The following ASMTL variants were observed in gnomAD, a reference collection of about 807,000 sequenced individuals.
The protein encoded by ASMTL is acetylserotonin O-methyltransferase like, also known as probable bifunctional dTTP/UTP pyrophosphatase/methyltransferase protein.
Under a neutral mutation model 60.3 loss-of-function variants are expected in ASMTL, and 57 were observed. The ratio of observed to expected loss-of-function variants is 0.95; its 90% CI spans 0.76 to 1.18. ASMTL has a LOEUF of 1.18. Among genes scored for constraint, ASMTL ranks in the 50% most tolerant of loss-of-function variants. The pLI, the probability that ASMTL is intolerant of heterozygous loss-of-function variation, is 0.00. For synonymous variants in ASMTL, 419 were observed against 373.0 expected (o/e 1.12, Z -1.42); for missense variants, 981 against 852.6 (o/e 1.15, Z -1.88).
chrX:1,434,970 C>T (rs2090921048), intron 5 of ASMTL, 52 bp downstream of exon 5: 41 of 1,603,838 alleles, frequency 2.6e-5, no homozygotes, highest in East Asian at 6.7e-5. Context: ...GAGAATGTCC[C>T]GGGTCCTTGT....
intron 8 of ASMTL, among the ~76,000 whole-genome samples, chrX:1,424,832 C>CTCCA (rs1208267195): frequency 8.1e-6 from 1 of 123,328 alleles, no homozygotes; most frequent in Admixed American, 8.3e-5. Context: ...CCATCCACCT[C>CTCCA]TCCATCCATC....
intron 1 of ASMTL, among the ~76,000 whole-genome samples, chrX:1,451,946 C>T (rs1280314138): frequency 6.7e-6 from 1 of 150,188 alleles, no homozygotes; most frequent in African/African-American, 2.5e-5. Flanking sequence ...CTCTCCCCAA[C>T]CACATGCCTA....
chrX:1,453,051 G>A (rs771309950), upstream of ASMTL: 1 of 519,388 alleles, frequency 1.9e-6, no homozygotes. Flanking sequence ...ACTCCGTCAG[G>A]CCTCGCCCAG....
rs1355020651 is a variant in ASMTL, at chrX:1,404,028, G to A, written c.1646-539C>T. On this transcript the variant is annotated intron_variant, in intron 12 of 12. Coordinates refer to ENST00000381317, the MANE Select transcript of ASMTL (RefSeq NM_004192.4). ...GATGGTACATGATGGGCAGGTAGAC[G>A]GATGGATAGATGGATGCATGGACGA... Among the ~76,000 whole-genome samples, 29 of 150,808 alleles carry A rather than the reference G, an allele frequency of 1.9e-4. 1 individual carries two copies. The highest frequency in any genetic ancestry group is 4.0e-4 in the Admixed American group (6 of 15,132).
rs2090656748 is a variant in ASMTL at position 1,427,913 on chromosome X, C to T, written c.718G>A (p.Asp240Asn). Reference protein sequence around the residue: ...PAADTFEDLSDVEGGGSEPTQ... With the variant: ...PAADTFEDLSNVEGGGSEPTQ... ...GGCTCCGAGCCGCCCCCCTCCACGT[C>T]ACTGAGGTCTTCGAAGGTGTCCGCG... is the stretch of plus-strand genomic sequence containing the variant. Residue 240 changes from aspartate (D) to asparagine (N), a missense_variant, in exon 7 of 13, where the codon GAC (aspartate) becomes AAC (asparagine). Transcript: ENST00000381317. The T allele has an allele frequency of 6.2e-7, 1 of 1,613,378 alleles. No individual in the cohort carries two copies.
chrX:1,405,038 T>C (rs2089757529), intron 12 of ASMTL, among the ~76,000 whole-genome samples: 1 of 147,742 alleles, frequency 6.8e-6, no homozygotes, highest in African/African-American at 2.5e-5. Flanking sequence ...GAATAGATGG[T>C]AGATGATGGG....
rs756040609 is a variant in ASMTL, at chrX:1,435,746, G to GC, written c.285dup (p.Leu96AlafsTer145). 1 of 1,613,480 alleles carries GC rather than the reference G, an allele frequency of 6.2e-7. No homozygotes were observed. Among genetic ancestry groups the GC allele is most frequent in the Non-Finnish European group, 8.5e-7 (1 of 1,179,680 alleles). ...TTGTCCACCGGCTTCTCCAGAATCA[G>GC]CCCCCCGACTGTCTGTGAGAGGAAG... On this transcript the variant is annotated frameshift_variant, in exon 4 of 13. Coordinates refer to ENST00000381317, the MANE Select transcript of ASMTL (RefSeq NM_004192.4). LOFTEE classifies it high-confidence loss of function.
chrX:1,449,696 C>A (rs1489669892), intron 1 of ASMTL, among the ~76,000 whole-genome samples: 2 of 145,952 alleles, frequency 1.4e-5, no homozygotes, highest in African/African-American at 5.1e-5. Context: ...AACCCAGTAA[C>A]TACCCCCCAT....
intron 11 of ASMTL, among the ~76,000 whole-genome samples, chrX:1,415,628 G>A (rs2090215439): frequency 1.3e-5 from 2 of 151,958 alleles, no homozygotes; most frequent in Admixed American, 1.3e-4. Context: ...ACCACGCCCG[G>A]CTAATTTTTG....
At chrX:1,405,864 T>C (rs2089809601) in intron 12 of ASMTL, among the ~76,000 whole-genome samples, 1 of 151,280 alleles carries the variant, frequency 6.6e-6, no homozygotes, top group Admixed American at 6.6e-5. Context: ...GATGGATGGA[T>C]AGATGGATGC....
In ASMTL at chrX:1,419,086, C is replaced by T. The variant is rs751778300; in HGVS notation, c.1274G>A (p.Arg425Gln). The change falls in exon 10 of 13, where the codon CGG becomes CAG. Residue 425 changes from arginine to glutamine, a missense_variant. By Grantham distance (43) the Arg-to-Gln change is conservative. Coordinates refer to ENST00000381317, the MANE Select transcript of ASMTL (RefSeq NM_004192.4). ...QDAYYQSPET[R>Q]LRFMRAMHGM... ...GTGCATGGCCCGCATGAACCTCAGC[C>T]GCGTCTCCGGGCTCTGGTAGTACGC... is the stretch of plus-strand genomic sequence containing the variant. 1.2e-5 allele frequency: 20 copies of T among 1,611,232 alleles called. No homozygotes were observed. The highest frequency in any genetic ancestry group is 2.2e-4 in the Middle Eastern group (1 of 4,600).
chrX:1,425,435 T>A, intron 8 of ASMTL, 90 bp downstream of exon 8: 10 of 1,458,142 alleles, frequency 6.9e-6, no homozygotes, highest in Non-Finnish European at 9.3e-6. Context: ...GTGGGCCTCC[T>A]TCCTCGCTCT....
chrX:1,417,559 GAC>G (rs1375255322), intron 11 of ASMTL, among the ~76,000 whole-genome samples: 2 of 89,300 alleles, frequency 2.2e-5, no homozygotes, highest in African/African-American at 8.1e-5. Context: ...ACACAAGCAC[GAC>G]AGTCATATGC....
chrX:1,447,272 C>T (rs772942380), intron 1 of ASMTL, among the ~76,000 whole-genome samples: 202 of 152,052 alleles, frequency 1.3e-3, no homozygotes, highest in African/African-American at 4.1e-3. Context: ...TTGCCATCTT[C>T]GACACACACT....
At chrX:1,448,838 A>C (rs2091289521) in intron 1 of ASMTL, among the ~76,000 whole-genome samples, 1 of 152,110 alleles carries the variant, frequency 6.6e-6, no homozygotes, top group African/African-American at 2.4e-5. Context: ...TTGGACATGC[A>C]TGGTCATCTT....
At chrX:1,444,109 A>G (rs4933089) in intron 1 of ASMTL, among the ~76,000 whole-genome samples, 108,970 of 151,968 alleles carry the variant, frequency 0.72, 42,384 homozygotes, top group East Asian at 0.94. Context: ...CTCCGACCAG[A>G]GACAGTCCAA....
chrX:1,439,234 G>A (rs774801027), intron 2 of ASMTL, 90 bp from the exon 3 acceptor site: 185 of 1,405,434 alleles, frequency 1.3e-4, no homozygotes, highest in African/African-American at 1.0e-3. Flanking sequence ...AAAGAGCACC[G>A]CAGGGGCGAA....
Position 1,418,130 on chromosome X carries a change from A to C in ASMTL, c.1379-14T>G, listed in dbSNP as rs765130797. On this transcript the variant is annotated splice_polypyrimidine_tract_variant and intron_variant, in intron 10 of 12. Coordinates refer to ENST00000381317, the MANE Select transcript of ASMTL (RefSeq NM_004192.4). The stretch of plus-strand genomic sequence containing the variant: ...CACCCGTGCAGCCTGCGGGGAAGCA[A>C]ATGCATGCTCTGTGGCTGGGTCGTC... 2 of 1,585,532 alleles carry C rather than the reference A, an allele frequency of 1.3e-6. No homozygotes were observed. The highest frequency in any genetic ancestry group is 4.5e-5 in the East Asian group (2 of 44,284).
chrX:1,445,998 G>C (rs1480483865), intron 1 of ASMTL, among the ~76,000 whole-genome samples: 1 of 152,092 alleles, frequency 6.6e-6, no homozygotes, highest in South Asian at 2.1e-4. Context: ...AGACCCGCCC[G>C]CAGTTATCCG....
Sources: gnomAD v4.1 joint callset for allele counts (sites outside exome capture counted in the v4.1 genomes callset) on GRCh38, gnomAD v4.1.1 for gene constraint, MANE v1.5 for transcripts, NCBI Gene and HGNC (gene_info 2026-07-23, HGNC 2026-07-21) for gene names.